The following SLC8A1 variants were observed in gnomAD, a reference collection of about 807,000 sequenced individuals.
The protein encoded by SLC8A1 is solute carrier family 8 member A1, also known as sodium/calcium exchanger 1.
Under a neutral mutation model 68.3 loss-of-function variants are expected in SLC8A1, and 18 were observed. The observed-to-expected ratio is 0.26, with a 90% CI of 0.18 to 0.39. SLC8A1 has a LOEUF of 0.39. SLC8A1 is among the 10% of genes least tolerant of loss of function. The probability of loss-of-function intolerance (pLI) is 1.00; values close to 1 mark genes in which losing one functional copy is unlikely to be tolerated. For synonymous variants in SLC8A1, 475 were observed against 415.5 expected (o/e 1.14, Z -1.74); for missense variants, 985 against 1,156.7 (o/e 0.85, Z 2.15).
chr2:40,151,595 C>CA (rs1350747631), intron 6 of SLC8A1, among the ~76,000 whole-genome samples: 1 of 151,656 alleles, frequency 6.6e-6, no homozygotes, highest in Admixed American at 6.6e-5. Context: ...AAAAATAGGA[C>CA]AAAAAATGTC....
intron 7 of SLC8A1, among the ~76,000 whole-genome samples, chr2:40,124,264 T>C (rs555992561): frequency 6.6e-6 from 1 of 152,342 alleles, no homozygotes; most frequent in Non-Finnish European, 1.5e-5. Flanking sequence ...ATTCTAAGTG[T>C]ATGGATCTAG....
chr2:40,404,728 C>T (rs957231928), intron 2 of SLC8A1, among the ~76,000 whole-genome samples: 18 of 152,094 alleles, frequency 1.2e-4, no homozygotes, highest in African/African-American at 2.7e-4. Context: ...GGCACGAGTG[C>T]GTTGCTTCCT....
At chr2:40,424,642 G>T (rs965717511) in intron 2 of SLC8A1, among the ~76,000 whole-genome samples, 1 of 151,764 alleles carries the variant, frequency 6.6e-6, no homozygotes, top group Non-Finnish European at 1.5e-5. Flanking sequence ...GGGTAGGCCC[G>T]TTGTTTAATA....
At chr2:40,341,086 G>T (rs1031547020) in intron 2 of SLC8A1, among the ~76,000 whole-genome samples, 1 of 152,136 alleles carries the variant, frequency 6.6e-6, no homozygotes, top group Non-Finnish European at 1.5e-5. Flanking sequence ...GAGGGGTTTT[G>T]TTTCCCAACC....
Position 40,174,859 on chromosome 2 carries a change from C to A in SLC8A1, c.1913-17G>T, listed in dbSNP as rs1424353445. On this transcript the variant is annotated splice_polypyrimidine_tract_variant and intron_variant, in intron 3 of 7. Transcript: ENST00000406785. ...TGAAGCCACCTAAAAAAGAAAAAAA[C>A]AACAACAAATGTTATAATTTGACAC... The A allele has an allele frequency of 1.2e-6, 2 of 1,605,328 alleles. No individual in the cohort carries two copies. The highest frequency in any genetic ancestry group is 1.1e-5 in the South Asian group (1 of 90,810).
At chr2:40,482,499 G>C (rs926362952) in intron 1 of SLC8A1, among the ~76,000 whole-genome samples, 1 of 152,162 alleles carries the variant, frequency 6.6e-6, no homozygotes, top group African/African-American at 2.4e-5. Flanking sequence ...GGTCCCTGAA[G>C]CATAAGCTTC....
Position 40,430,302 on chromosome 2 carries a change from C to A in SLC8A1, c.-22G>T. On this transcript the variant is annotated splice_region_variant and 5_prime_UTR_variant, in exon 2 of 8. In the 5' UTR this introduces an upstream ATG that the reference lacks. Transcript: ENST00000406785. ...ACATGACACTTCCAACTGTCACAAC[C>A]TACTGGTAAAAATAAGATGGGGGAG... 1 of 1,578,644 alleles carries A rather than the reference C, an allele frequency of 6.3e-7. No homozygotes were observed. The highest frequency in any genetic ancestry group is 8.6e-7 in the Non-Finnish European group (1 of 1,163,698).
At chr2:40,330,116 T>C (rs2076263573) in intron 2 of SLC8A1, among the ~76,000 whole-genome samples, 1 of 152,210 alleles carries the variant, frequency 6.6e-6, no homozygotes, top group Admixed American at 6.5e-5. Context: ...TAAATAATAT[T>C]TTTGAATGGA....
At chr2:40,417,966 A>G (rs1459700041) in intron 2 of SLC8A1, among the ~76,000 whole-genome samples, 1 of 152,030 alleles carries the variant, frequency 6.6e-6, no homozygotes, top group African/African-American at 2.4e-5. Context: ...TCTACTTCAA[A>G]ATGTTTCAAG....
intron 2 of SLC8A1, among the ~76,000 whole-genome samples, chr2:40,245,085 C>G (rs796169433): frequency 3.3e-5 from 5 of 152,218 alleles, no homozygotes; most frequent in African/African-American, 1.2e-4. Flanking sequence ...CTTAAATGGC[C>G]TAGGATATGT....
intron 4 of SLC8A1, among the ~76,000 whole-genome samples, chr2:40,172,973 C>T (rs2047787058): frequency 6.6e-6 from 1 of 152,076 alleles, no homozygotes; most frequent in African/African-American, 2.4e-5. Context: ...AGTAATAAAA[C>T]AGAAAGATAT....
chr2:40,110,333 A>G (rs2125050454), exon 8 of SLC8A1: 1 of 152,300 alleles, frequency 6.6e-6, no homozygotes. Flanking sequence ...GCATTTTGAA[A>G]TGTACTGCGT....
At chr2:40,258,716 CCTGT>C (rs2064280450) in intron 2 of SLC8A1, among the ~76,000 whole-genome samples, 1 of 151,996 alleles carries the variant, frequency 6.6e-6, no homozygotes, top group Non-Finnish European at 1.5e-5. Flanking sequence ...GCGGCAGGCA[CCTGT>C]AACCCTAGCT....
At chr2:40,473,205 G>A (rs1192027617) in intron 1 of SLC8A1, among the ~76,000 whole-genome samples, 2 of 151,988 alleles carry the variant, frequency 1.3e-5, no homozygotes, top group African/African-American at 4.8e-5. Context: ...AGAAAGAACT[G>A]AAGATATTCC....
At chr2:40,428,549 C>T (rs1697477351) in exon 2 of SLC8A1, 5 of 1,613,564 alleles carry the variant, frequency 3.1e-6, no homozygotes, top group Non-Finnish European at 2.5e-6. Context: ...GCAGTCCCTT[C>T]GATGGTTTTA....
chr2:40,470,437 T>C (rs939903777), intron 1 of SLC8A1, among the ~76,000 whole-genome samples: 4 of 151,958 alleles, frequency 2.6e-5, no homozygotes, highest in African/African-American at 9.7e-5. Flanking sequence ...CTGAAAACAA[T>C]ATAAATGTCC....
chr2:40,153,453 T>C (rs944377195), intron 6 of SLC8A1, among the ~76,000 whole-genome samples: 1 of 152,204 alleles, frequency 6.6e-6, no homozygotes, highest in African/African-American at 2.4e-5. Flanking sequence ...ATCCATGTTA[T>C]ATGTACTCTG....
intron 2 of SLC8A1, among the ~76,000 whole-genome samples, chr2:40,244,302 C>T (rs924509459): frequency 2.0e-5 from 3 of 152,254 alleles, no homozygotes; most frequent in Middle Eastern, 6.8e-3. Context: ...ATTTACTGAG[C>T]ATCTACTACG....
At chr2:40,289,835 T>A (rs2068968143) in intron 2 of SLC8A1, among the ~76,000 whole-genome samples, 1 of 151,830 alleles carries the variant, frequency 6.6e-6, no homozygotes, top group South Asian at 2.1e-4. Flanking sequence ...CATTCCAGCT[T>A]AGGCGACAGA....
Sources: allele counts gnomAD v4.1 joint callset (sites outside exome capture counted in the v4.1 genomes callset), GRCh38; gene constraint gnomAD v4.1.1; transcripts MANE v1.5; gene names NCBI Gene and HGNC (gene_info 2026-07-23, HGNC 2026-07-21).